The following GRIP1 variants were observed in gnomAD, a reference collection of about 807,000 sequenced individuals.
GRIP1 encodes the protein glutamate receptor-interacting protein 1.
In GRIP1, 45 loss-of-function variants were observed where a neutral mutation model predicts 129.9. That is an observed-to-expected ratio of 0.35 (90% CI 0.27 to 0.44). The LOEUF (loss-of-function observed/expected upper bound fraction) is 0.44. Ranked by LOEUF, GRIP1 falls within the 20% of genes least tolerant of loss-of-function variation. The pLI is 1.00. For synonymous variants in GRIP1, 530 were observed against 520.8 expected (o/e 1.02, Z -0.24); for missense variants, 1,196 against 1,396.8 (o/e 0.86, Z 2.29).
At chr12:66,505,496 A>G (rs1269003874) in intron 7 of GRIP1, among the ~76,000 whole-genome samples, 2 of 151,908 alleles carry the variant, frequency 1.3e-5, no homozygotes, top group Non-Finnish European at 2.9e-5. Flanking sequence ...TAAGCAAAAA[A>G]CTCATCCACG....
intron 1 of GRIP1, among the ~76,000 whole-genome samples, chr12:66,817,351 T>TTA (rs2039240539): frequency 6.6e-6 from 1 of 152,082 alleles, no homozygotes; most frequent in Non-Finnish European, 1.5e-5. Flanking sequence ...GAGCTTTTGT[T>TTA]TATATGAATT....
intron 23 of GRIP1, among the ~76,000 whole-genome samples, chr12:66,365,509 A>T (rs2055085890): frequency 6.6e-6 from 1 of 152,162 alleles, no homozygotes; most frequent in Non-Finnish European, 1.5e-5. Context: ...AGAGAAGGGA[A>T]GCTAATGGAA....
At chr12:67,048,244 C>G (rs1374365115) in intron 1 of GRIP1, among the ~76,000 whole-genome samples, 1 of 151,710 alleles carries the variant, frequency 6.6e-6, no homozygotes, top group South Asian at 2.1e-4. Flanking sequence ...CACACACACA[C>G]AAACGTGACA....
At chr12:66,975,940 T>C (rs2042145235) in intron 1 of GRIP1, among the ~76,000 whole-genome samples, 1 of 152,234 alleles carries the variant, frequency 6.6e-6, no homozygotes, top group Non-Finnish European at 1.5e-5. Flanking sequence ...GTGATGTTTA[T>C]GGTATTTACC....
upstream of GRIP1, among the ~76,000 whole-genome samples, chr12:66,682,571 C>T (rs1412324026): frequency 1.3e-5 from 2 of 152,084 alleles, no homozygotes; most frequent in African/African-American, 4.8e-5. Flanking sequence ...CAGCAGGTGG[C>T]ACACATAGCC....
intron 1 of GRIP1, among the ~76,000 whole-genome samples, chr12:67,039,968 T>C (rs1291376751): frequency 6.6e-6 from 1 of 152,186 alleles, no homozygotes; most frequent in Non-Finnish European, 1.5e-5. Flanking sequence ...CCACCTAGTC[T>C]AGTCAACCAG....
At chr12:66,543,584 G>A (rs893193935) in intron 2 of GRIP1, among the ~76,000 whole-genome samples, 7 of 152,076 alleles carry the variant, frequency 4.6e-5, no homozygotes, top group African/African-American at 1.4e-4. Context: ...GAAAACATAC[G>A]TAGATTCAAC....
At chr12:66,457,700 C>A (rs2059007889) in intron 9 of GRIP1, among the ~76,000 whole-genome samples, 1 of 152,154 alleles carries the variant, frequency 6.6e-6, no homozygotes, top group South Asian at 2.1e-4. Context: ...AACTGTGATG[C>A]CAGCTGAATT....
chr12:66,462,533 G>A (rs1397241933), intron 9 of GRIP1, among the ~76,000 whole-genome samples: 2 of 152,100 alleles, frequency 1.3e-5, no homozygotes, highest in Admixed American at 6.6e-5. Flanking sequence ...CAAATTATGT[G>A]TGGCTTAGAA....
chr12:66,634,057 T>C (rs547704696), intron 1 of GRIP1, among the ~76,000 whole-genome samples: 2 of 152,360 alleles, frequency 1.3e-5, no homozygotes, highest in Non-Finnish European at 2.9e-5. Context: ...TTGTGTGTTG[T>C]GTTATACTTC....
chr12:66,983,159 C>T (rs73133664), intron 1 of GRIP1, among the ~76,000 whole-genome samples: 17,269 of 152,128 alleles, frequency 0.11, 1,184 homozygotes, highest in African/African-American at 0.18. Flanking sequence ...CAACACTGGA[C>T]TGCCTTTCTC....
chr12:66,856,363 T>C (rs1160389103), intron 1 of GRIP1, among the ~76,000 whole-genome samples: 1 of 152,078 alleles, frequency 6.6e-6, no homozygotes, highest in Non-Finnish European at 1.5e-5. Context: ...GAAGCCAAAA[T>C]TGACAAATGG....
intron 1 of GRIP1, among the ~76,000 whole-genome samples, chr12:66,862,341 G>C (rs550412132): frequency 1.3e-5 from 2 of 152,122 alleles, no homozygotes; most frequent in South Asian, 4.1e-4. Context: ...GATGAAAAAA[G>C]AACCTGGGAC....
At chr12:66,896,926 T>C (rs1354226348) in intron 1 of GRIP1, among the ~76,000 whole-genome samples, 7 of 152,218 alleles carry the variant, frequency 4.6e-5, no homozygotes, top group Admixed American at 4.6e-4. Context: ...CAGACACTCT[T>C]CCGAAGACCT....
chr12:66,517,674 T>C (rs1478095440), intron 6 of GRIP1, among the ~76,000 whole-genome samples: 1 of 152,156 alleles, frequency 6.6e-6, no homozygotes, highest in African/African-American at 2.4e-5. Flanking sequence ...GTGGTGGAAA[T>C]TGACCTCAGT....
At chr12:66,702,251 A>G (rs1043892528) in intron 1 of GRIP1, among the ~76,000 whole-genome samples, 2 of 152,166 alleles carry the variant, frequency 1.3e-5, no homozygotes, top group Admixed American at 6.6e-5. Context: ...TTTACTCTTC[A>G]GGGGTATGAT....
intron 11 of GRIP1, among the ~76,000 whole-genome samples, chr12:66,454,848 A>G (rs1334489448): frequency 6.6e-6 from 1 of 152,216 alleles, no homozygotes; most frequent in Non-Finnish European, 1.5e-5. Flanking sequence ...GCTTCTGGAA[A>G]AAGTATTGGA....
intron 1 of GRIP1, chr12:67,035,489 A>G (rs1402446369): frequency 6.6e-6 from 1 of 152,232 alleles, no homozygotes; most frequent in African/African-American, 2.4e-5. Flanking sequence ...TGTTGTAATT[A>G]GATGTGCAAA....
rs182246612 is a variant in GRIP1, at chr12:66,919,103, C to T, written c.58+149947G>A. Among the ~76,000 whole-genome samples the T allele has an allele frequency of 2.3e-4, 35 of 152,192 alleles. 1 individual carries two copies. In the East Asian group the frequency reaches 3.5e-3, roughly 15 times the overall value. ...AGAAAAGCAGTTTTGTTAGGTTCCC[C>T]CAGGCTGTAACAGGTATGAAAGAAT... On this transcript the variant is annotated intron_variant, in intron 1 of 1. Transcript: ENST00000643019.
Sources: gnomAD v4.1 joint callset for allele counts (sites outside exome capture counted in the v4.1 genomes callset) on GRCh38, gnomAD v4.1.1 for gene constraint, MANE v1.5 for transcripts, NCBI Gene and HGNC (gene_info 2026-07-23, HGNC 2026-07-21) for gene names.